Variants in ARHGAP39 observed in about 807,000 individuals in gnomAD.
The protein encoded by ARHGAP39 is rho GTPase-activating protein 39.
A neutral mutation model predicts 106.9 loss-of-function variants in ARHGAP39; 44 were observed. The observed-to-expected ratio is 0.41, with a 90% CI of 0.32 to 0.53. ARHGAP39 has a LOEUF of 0.53. Among genes scored for constraint, ARHGAP39 ranks in the 20% least tolerant of loss-of-function variants. The pLI is 0.21. For missense variants in ARHGAP39, 1,496 were observed against 1,577.3 expected, an observed-to-expected ratio of 0.95 and a Z score of 0.87; for synonymous variants, 768 against 693.2, an observed-to-expected ratio of 1.11 and a Z score of -1.69.
intron 1 of ARHGAP39, among the ~76,000 whole-genome samples, chr8:144,632,992 A>T (rs1821099311): frequency 6.6e-6 from 1 of 152,232 alleles, no homozygotes; most frequent in Non-Finnish European, 1.5e-5. Flanking sequence ...TCTTTTTTTA[A>T]TTAGCCAAGC....
chr8:144,630,425 C>T (rs966721806), intron 1 of ARHGAP39, among the ~76,000 whole-genome samples: 2 of 151,944 alleles, frequency 1.3e-5, no homozygotes, highest in Admixed American at 6.6e-5. Flanking sequence ...GGCTAAGAAG[C>T]GCCCCAGCCC....
chr8:144,620,041 T>A (rs1016415783), intron 1 of ARHGAP39, among the ~76,000 whole-genome samples: 1 of 147,570 alleles, frequency 6.8e-6, no homozygotes, highest in African/African-American at 2.5e-5. Context: ...CCGGTGTTTG[T>A]GTGCCTGTGC....
At chr8:144,556,095 C>T (rs1320317786) in intron 3 of ARHGAP39, among the ~76,000 whole-genome samples, 3 of 152,056 alleles carry the variant, frequency 2.0e-5, no homozygotes, top group Admixed American at 1.3e-4. Flanking sequence ...ACCATCCTGG[C>T]TAACATGGTG....
chr8:144,553,055 T>C (rs905478225), intron 4 of ARHGAP39, among the ~76,000 whole-genome samples: 1 of 152,074 alleles, frequency 6.6e-6, no homozygotes. Flanking sequence ...TCCTCCCTCT[T>C]CCCAGAAGCA....
rs1378687803 is a variant in ARHGAP39, at chr8:144,548,671, T to G, written c.597-182A>C. Among the ~76,000 whole-genome samples, 1 of 152,136 alleles carries G rather than the reference T, an allele frequency of 6.6e-6. No homozygotes were observed. Among genetic ancestry groups the G allele is most frequent in the East Asian group, 1.9e-4 (1 of 5,188 alleles). ...GCCCCAGCACCCCCAGCCCTCCCTC[T>G]GGGGCTCTCCTGGAGCTGCCGCCCA... On this transcript the variant is annotated intron_variant, in intron 4 of 11. Coordinates refer to ENST00000377307, the MANE Select transcript of ARHGAP39 (RefSeq NM_025251.3). The surrounding 1 kb of genome is among the most constrained non-coding windows in gnomAD (Gnocchi z 7.4).
Position 144,645,354 on chromosome 8 carries a change from C to T in ARHGAP39, c.-81-39659G>A, listed in dbSNP as rs773440287. ...GCTGGGAACCAGCCCTGGGACACCACGCTCTCAATGATGGGCTCCATGAGG... is the reference window on the plus strand; with the variant it reads ...GCTGGGAACCAGCCCTGGGACACCATGCTCTCAATGATGGGCTCCATGAGG... On this transcript the variant is annotated intron_variant, in intron 1 of 11. Transcript: ENST00000377307. The surrounding 1 kb of genome is among the most constrained non-coding windows in gnomAD (Gnocchi z 4.4). Among the ~76,000 whole-genome samples, 8 of 152,264 alleles carry T rather than the reference C, an allele frequency of 5.3e-5. No homozygotes were observed. Among genetic ancestry groups the T allele is most frequent in the Non-Finnish European group, 1.0e-4 (7 of 68,046 alleles).
At chr8:144,540,874 AAC>A (rs762836492) in intron 6 of ARHGAP39, among the ~76,000 whole-genome samples, 6 of 152,212 alleles carry the variant, frequency 3.9e-5, no homozygotes, top group Admixed American at 6.5e-5. Context: ...ATTAATTTGA[AAC>A]AGTCTTGCTC....
chr8:144,572,215 G>C (rs1440789691), intron 3 of ARHGAP39, among the ~76,000 whole-genome samples: 2 of 152,174 alleles, frequency 1.3e-5, no homozygotes, highest in African/African-American at 4.8e-5. Flanking sequence ...CATGCTGCCT[G>C]ACTTCAAACT....
At chr8:144,649,662 C>T (rs995680974) in intron 1 of ARHGAP39, among the ~76,000 whole-genome samples, 6 of 151,924 alleles carry the variant, frequency 3.9e-5, no homozygotes, top group Admixed American at 1.3e-4. Flanking sequence ...TCTAGCTACT[C>T]GGGAGGCTGA....
At chr8:144,537,676 A>G in intron 7 of ARHGAP39, 45 bp downstream of exon 7, 1 of 1,549,250 alleles carries the variant, frequency 6.5e-7, no homozygotes, top group Non-Finnish European at 8.9e-7. Flanking sequence ...TGGAGAGCAG[A>G]GCTGTGCAGA....
rs1822504536 is a variant in ARHGAP39, at chr8:144,684,037, C to T, written c.-82+1649G>A. Among the ~76,000 whole-genome samples, 1 of 152,204 alleles carries T rather than the reference C, an allele frequency of 6.6e-6. No individual in the cohort carries two copies. The highest frequency in any genetic ancestry group is 1.5e-5 in the Non-Finnish European group (1 of 68,034). Reference sequence around the variant, plus strand: ...TTTTACAGATGAGAAGCCAAAGGCACAGAGACCTTGCCGAAGACCACAAAG... The same window carrying T: ...TTTTACAGATGAGAAGCCAAAGGCATAGAGACCTTGCCGAAGACCACAAAG... On this transcript the variant is annotated intron_variant, in intron 1 of 11. Transcript: ENST00000377307. The surrounding 1 kb of genome is among the most constrained non-coding windows in gnomAD (Gnocchi z 4.4).
At chr8:144,686,906 C>G (rs561703201), upstream of ARHGAP39, among the ~76,000 whole-genome samples, 97 of 131,030 alleles carry the variant, frequency 7.4e-4, 2 homozygotes, top group Middle Eastern at 4.4e-3. Flanking sequence ...CACTTCCCAC[C>G]CCCGTGACCA....
At chr8:144,605,879 C>T (rs540909683) in intron 1 of ARHGAP39, 184 bp from the exon 2 acceptor site, 3 of 512,142 alleles carry the variant, frequency 5.9e-6, no homozygotes, top group East Asian at 3.4e-5. Context: ...TGCGTTGCAG[C>T]GAAGCCTGGC....
intron 2 of ARHGAP39, among the ~76,000 whole-genome samples, chr8:144,603,388 C>A (rs113952199): frequency 2.0e-5 from 3 of 152,058 alleles, no homozygotes; most frequent in Non-Finnish European, 4.4e-5. Context: ...CATACTCCTG[C>A]ATAATTTTCT....
At chr8:144,537,639 G>T in intron 7 of ARHGAP39, 82 bp downstream of exon 7, 15 of 1,135,054 alleles carry the variant, frequency 1.3e-5, no homozygotes, top group East Asian at 2.4e-5. Context: ...GAAGCGGTTA[G>T]AGAAGAGAAG....
Position 144,530,293 on chromosome 8 carries a change from G to T in ARHGAP39, c.*129C>A. On this transcript the variant is annotated 3_prime_UTR_variant, in exon 12 of 12. Coordinates refer to ENST00000377307, the MANE Select transcript of ARHGAP39 (RefSeq NM_025251.3). ...AAGACGTGGGGAGCGCCGGGGCCAG[G>T]GGCCTGGGGGAGTGGAGGGGGCTCC... 9.7e-7 allele frequency: 1 copy of T among 1,030,414 alleles called. No homozygotes were observed. The highest frequency in any genetic ancestry group is 1.4e-6 in the Non-Finnish European group (1 of 722,914). 63.8% of individuals were successfully genotyped at this position (1,030,414 alleles called of 1,614,324 possible). A position where few individuals can be genotyped will look rare whatever the true frequency, so the allele number is the denominator to read the frequency against.
At chr8:144,664,360 G>A (rs1821907531) in intron 1 of ARHGAP39, among the ~76,000 whole-genome samples, 1 of 152,172 alleles carries the variant, frequency 6.6e-6, no homozygotes. Flanking sequence ...GTTTTCCCCA[G>A]CTTTGGGTGA....
chr8:144,673,843 C>T (rs1470306599), intron 1 of ARHGAP39, among the ~76,000 whole-genome samples: 1 of 152,234 alleles, frequency 6.6e-6, no homozygotes, highest in Admixed American at 6.5e-5. Flanking sequence ...CAGGGTCAGG[C>T]CACCGTGCAT....
the ARHGAP39 span, among the ~76,000 whole-genome samples, chr8:144,696,301 G>A: frequency 6.8e-6 from 1 of 148,036 alleles, no homozygotes; most frequent in Non-Finnish European, 1.5e-5. Context: ...ACCACACTTG[G>A]TTAATTTTTG....
Sources: gnomAD v4.1 joint callset for allele counts (sites outside exome capture counted in the v4.1 genomes callset) on GRCh38, gnomAD v4.1.1 for gene constraint, Gnocchi (gnomAD v3.1) non-coding constraint, MANE v1.5 for transcripts, NCBI Gene and HGNC (gene_info 2026-07-23, HGNC 2026-07-21) for gene names.